Variants in GAS7 observed in about 807,000 individuals in gnomAD.
GAS7 encodes the protein growth arrest-specific protein 7.
In GAS7, 28 loss-of-function variants were observed where a neutral mutation model predicts 71.1. That is an observed-to-expected ratio of 0.39 (90% CI 0.29 to 0.54). GAS7 has a LOEUF of 0.54. GAS7 is among the 20% of genes least tolerant of loss of function. GAS7 has a pLI of 0.62. For synonymous variants in GAS7, 258 were observed against 245.8 expected (o/e 1.05, Z -0.46); for missense variants, 436 against 627.8 (o/e 0.69, Z 3.27).
intron 1 of GAS7, among the ~76,000 whole-genome samples, chr17:10,128,627 TTC>T (rs1329675225): frequency 6.6e-6 from 1 of 151,756 alleles, no homozygotes; most frequent in Non-Finnish European, 1.5e-5. Flanking sequence ...GCTTTTTCTT[TTC>T]TCTTTTTTTT....
intron 1 of GAS7, among the ~76,000 whole-genome samples, chr17:10,119,135 T>C (rs1450047867): frequency 6.6e-6 from 1 of 152,104 alleles, no homozygotes; most frequent in Non-Finnish European, 1.5e-5. Flanking sequence ...TGGGAATGGG[T>C]TGCGGGGAGC....
At chr17:10,159,543 C>T (rs1478153142) in intron 1 of GAS7, among the ~76,000 whole-genome samples, 1 of 150,756 alleles carries the variant, frequency 6.6e-6, no homozygotes, top group African/African-American at 2.4e-5. Context: ...GCCAGATGCA[C>T]CCCCCCCAAC....
At chr17:10,191,969 A>C (rs1310627269) in intron 1 of GAS7, among the ~76,000 whole-genome samples, 1 of 152,164 alleles carries the variant, frequency 6.6e-6, no homozygotes, top group Non-Finnish European at 1.5e-5. Flanking sequence ...ACCAGCTCCA[A>C]GCTCAAGAAG....
rs549370679 is a variant in GAS7 at position 10,017,226 on chromosome 17, G to C, written c.304+2551C>G. 2.6e-5 allele frequency among the ~76,000 whole-genome samples: 4 copies of C among 152,142 alleles called. No homozygotes were observed. The South Asian group carries it at 6.2e-4, about 24-fold the overall frequency. ...CAAGTCCTTGTGGAGCCAACAGACAGCCTGAAGCAGGGACCAGCAGCTATG... is the reference window on the plus strand; with the variant it reads ...CAAGTCCTTGTGGAGCCAACAGACACCCTGAAGCAGGGACCAGCAGCTATG... On this transcript the variant is annotated intron_variant, in intron 2 of 13. Coordinates refer to ENST00000432992, the MANE Select transcript of GAS7 (RefSeq NM_201433.2).
At chr17:10,107,638 G>A (rs1474153894) in intron 1 of GAS7, among the ~76,000 whole-genome samples, 1 of 151,250 alleles carries the variant, frequency 6.6e-6, no homozygotes, top group Non-Finnish European at 1.5e-5. Flanking sequence ...GGCTGGGCAG[G>A]AGAACCGCCT....
intron 1 of GAS7, among the ~76,000 whole-genome samples, chr17:10,188,251 A>C (rs72810953): frequency 0.025 from 3,857 of 152,300 alleles, 90 homozygotes; most frequent in South Asian, 0.1. Flanking sequence ...TCAAGAAAAA[A>C]AAAAAATCCA....
intron 1 of GAS7, among the ~76,000 whole-genome samples, chr17:10,181,132 C>T (rs1316823565): frequency 3.3e-5 from 5 of 150,196 alleles, no homozygotes; most frequent in South Asian, 4.3e-4. Context: ...GAGGCCAAGG[C>T]GGGCACATCA....
At chr17:10,038,664 T>C (rs892938809) in intron 1 of GAS7, among the ~76,000 whole-genome samples, 4 of 150,646 alleles carry the variant, frequency 2.7e-5, no homozygotes, top group African/African-American at 4.9e-5. Flanking sequence ...ATAAACACAA[T>C]AGAATATTAC....
At chr17:9,995,561 C>T (rs1186387354) in intron 2 of GAS7, among the ~76,000 whole-genome samples, 2 of 150,530 alleles carry the variant, frequency 1.3e-5, no homozygotes, top group Admixed American at 6.6e-5. Flanking sequence ...AAAAAAGATA[C>T]TCATTCTCAT....
intron 1 of GAS7, among the ~76,000 whole-genome samples, chr17:10,044,276 T>G (rs1051817557): frequency 1.3e-5 from 2 of 152,184 alleles, no homozygotes; most frequent in African/African-American, 4.8e-5. Flanking sequence ...TTTACTGGAG[T>G]GATGAACTGT....
Position 10,019,787 on chromosome 17 carries a change from C to T in GAS7, c.294G>A (p.Thr98=), listed in dbSNP as rs781145984. The T allele has an allele frequency of 7.4e-6, 12 of 1,613,554 alleles. No homozygotes were observed. Among genetic ancestry groups the T allele is most frequent in the African/African-American group, 2.7e-5 (2 of 74,892 alleles). ...SPQGRRYYVN[T]TTNETTWERP... is the part of the protein sequence containing the mutation. The stretch of plus-strand genomic sequence containing the variant: ...CCGAGCGGGACTCACCATTGGTGGT[C>T]GTGTTGACATAGTACCGCCGGCCCT... The change falls in exon 2 of 14, where the codon ACG becomes ACA. Residue 98 remains threonine (T), a synonymous_variant. Coordinates refer to ENST00000432992, the MANE Select transcript of GAS7 (RefSeq NM_201433.2).
At chr17:10,158,345 A>AAAACAAAAAAC (rs1406305414) in intron 1 of GAS7, among the ~76,000 whole-genome samples, 63 of 147,350 alleles carry the variant, frequency 4.3e-4, no homozygotes, top group African/African-American at 1.5e-3. Flanking sequence ...GTAAAAAAAA[A>AAAACAAAAAAC]AAAAAAAAAA....
chr17:10,019,930 T>C (rs777177721), intron 1 of GAS7, 33 bp from the exon 2 acceptor site: 11 of 1,604,568 alleles, frequency 6.9e-6, no homozygotes, highest in South Asian at 1.1e-5. Context: ...TCACACCCAT[T>C]TGGCATTTTT....
At chr17:10,042,713 G>A (rs1442927266) in intron 1 of GAS7, among the ~76,000 whole-genome samples, 2 of 152,188 alleles carry the variant, frequency 1.3e-5, no homozygotes, top group Non-Finnish European at 2.9e-5. Flanking sequence ...GGCTGGGATG[G>A]TACAGGGAGG....
chr17:10,172,353 C>T (rs2074341559), intron 1 of GAS7, among the ~76,000 whole-genome samples: 1 of 152,192 alleles, frequency 6.6e-6, no homozygotes, highest in Non-Finnish European at 1.5e-5. Context: ...CAAGGATTCC[C>T]CAGGGGGCAG....
chr17:10,029,851 CA>C (rs1057095980), intron 1 of GAS7, among the ~76,000 whole-genome samples: 33 of 136,736 alleles, frequency 2.4e-4, no homozygotes, highest in African/African-American at 4.6e-4. Context: ...GACTCCGTCT[CA>C]AAAAAAAAAC....
chr17:9,993,983 G>A (rs1414744632), intron 2 of GAS7, among the ~76,000 whole-genome samples: 4 of 150,056 alleles, frequency 2.7e-5, no homozygotes, highest in African/African-American at 9.8e-5. Context: ...GGGATGTGAA[G>A]GACCTCTTCA....
At chr17:9,992,929 T>A (rs1304809234) in intron 2 of GAS7, among the ~76,000 whole-genome samples, 1 of 151,888 alleles carries the variant, frequency 6.6e-6, no homozygotes, top group Non-Finnish European at 1.5e-5. Context: ...ACAAAGGACA[T>A]GAACTCATCA....
intron 11 of GAS7, among the ~76,000 whole-genome samples, chr17:9,921,250 G>A (rs577966844): frequency 4.7e-4 from 70 of 149,468 alleles, no homozygotes; most frequent in South Asian, 2.1e-4. Context: ...TCCACCTCCC[G>A]GGTTCAAGTG....
Sources: allele counts gnomAD v4.1 joint callset (sites outside exome capture counted in the v4.1 genomes callset), GRCh38; gene constraint gnomAD v4.1.1; transcripts MANE v1.5; gene names NCBI Gene and HGNC (gene_info 2026-07-23, HGNC 2026-07-21).